The following CHKA variants were observed in gnomAD, a reference collection of about 807,000 sequenced individuals.
The protein encoded by CHKA is choline kinase alpha.
Under a neutral mutation model 60.1 loss-of-function variants are expected in CHKA, and 34 were observed. The observed-to-expected ratio is 0.57, with a 90% confidence interval of 0.43 to 0.75. The LOEUF is 0.75. CHKA is among the 30% of genes least tolerant of loss of function. The pLI is 0.00. For missense variants in CHKA, 563 were observed against 561.3 expected, an observed-to-expected ratio of 1.00 and a Z score of -0.03; for synonymous variants, 217 against 223.1, an observed-to-expected ratio of 0.97 and a Z score of 0.24.
intron 1 of CHKA, among the ~76,000 whole-genome samples, chr11:68,110,259 A>G (rs1858082836): frequency 6.6e-6 from 1 of 152,220 alleles, no homozygotes; most frequent in Non-Finnish European, 1.5e-5. Context: ...CATCATAGGA[A>G]GTCCTAACTA....
intron 3 of CHKA, among the ~76,000 whole-genome samples, chr11:68,076,522 T>C (rs927384978): frequency 6.6e-6 from 1 of 152,050 alleles, no homozygotes; most frequent in Non-Finnish European, 1.5e-5. Flanking sequence ...GCTCCCCTGC[T>C]CCCCAGGGGG....
intron 11 of CHKA, among the ~76,000 whole-genome samples, chr11:68,055,434 G>C (rs1855977303): frequency 6.6e-6 from 1 of 152,180 alleles, no homozygotes; most frequent in South Asian, 2.1e-4. Flanking sequence ...GTGTTTGAGT[G>C]CAAGTCTTGG....
At chr11:68,070,499 C>CGAAG (rs1438655659) in intron 5 of CHKA, among the ~76,000 whole-genome samples, 1 of 152,146 alleles carries the variant, frequency 6.6e-6, no homozygotes, top group African/African-American at 2.4e-5. Context: ...TCTGTCCCTT[C>CGAAG]ACCCGTTCAA....
intron 1 of CHKA, 120 bp from the exon 2 acceptor site, chr11:68,097,250 T>C (rs779472112): frequency 8.2e-6 from 5 of 612,800 alleles, no homozygotes; most frequent in Non-Finnish European, 1.1e-5. Context: ...TATCTCGATT[T>C]ATTCTCTCAA....
intron 1 of CHKA, among the ~76,000 whole-genome samples, chr11:68,106,807 C>G (rs1424362956): frequency 6.6e-6 from 1 of 152,178 alleles, no homozygotes; most frequent in Non-Finnish European, 1.5e-5. Context: ...GAATTCTACT[C>G]CAGCACGGCT....
chr11:68,062,145 G>C, intron 10 of CHKA, 111 bp from the exon 11 acceptor site: 1 of 743,314 alleles, frequency 1.3e-6, no homozygotes, highest in Non-Finnish European at 2.3e-6. Flanking sequence ...TGCAAACCTA[G>C]TTAGTGTTGG....
Position 68,097,069 on chromosome 11 carries a change from C to T in CHKA, c.412G>A (p.Asp138Asn), listed in dbSNP as rs1323354805. 6.2e-7 allele frequency: 1 copy of T among 1,613,794 alleles called. No homozygotes were observed. The highest frequency in any genetic ancestry group is 1.7e-5 in the Admixed American group (1 of 59,984). Residue 138 changes from aspartate to asparagine, a missense_variant, in exon 2 of 12, where the codon GAT (aspartate) becomes AAT (asparagine). Transcript: ENST00000265689. ...SLPDTTATLG[D>N]EPRKVLLRLY... ...CGCAGGAGCACTTTCCGAGGCTCAT[C>T]ACCAAGGGTGGCTGTGGTGTCAGGT...
chr11:68,114,712 A>G (rs1858320775), intron 1 of CHKA, among the ~76,000 whole-genome samples: 1 of 151,446 alleles, frequency 6.6e-6, no homozygotes, highest in African/African-American at 2.4e-5. Context: ...AAAAAAAAAA[A>G]AGAAGAAGAA....
At chr11:68,103,957 T>A (rs1487478447) in intron 1 of CHKA, among the ~76,000 whole-genome samples, 1 of 151,490 alleles carries the variant, frequency 6.6e-6, no homozygotes, top group Non-Finnish European at 1.5e-5. Flanking sequence ...AATAAAAAAT[T>A]AAAAATCCAG....
chr11:68,058,255 C>T (rs565095985), intron 11 of CHKA, among the ~76,000 whole-genome samples: 39 of 152,288 alleles, frequency 2.6e-4, no homozygotes, highest in Non-Finnish European at 4.6e-4. Context: ...AGTCTTATAA[C>T]CAGGTAGTAG....
intron 3 of CHKA, among the ~76,000 whole-genome samples, chr11:68,080,339 C>G (rs777164096): frequency 1.3e-5 from 2 of 152,034 alleles, no homozygotes; most frequent in Non-Finnish European, 1.5e-5. Context: ...ATGTCTATTT[C>G]TTGATTTTTT....
chr11:68,082,253 AC>A (rs1455496581), intron 2 of CHKA, among the ~76,000 whole-genome samples: 1 of 151,692 alleles, frequency 6.6e-6, no homozygotes, highest in Non-Finnish European at 1.5e-5. Context: ...TTTAAGAGCA[AC>A]CCCCCACCCC....
chr11:68,106,276 G>A (rs1299844324), intron 1 of CHKA, among the ~76,000 whole-genome samples: 1 of 152,188 alleles, frequency 6.6e-6, no homozygotes, highest in East Asian at 1.9e-4. Flanking sequence ...GCCAAGCACA[G>A]TGGCTAACAC....
chr11:68,109,470 C>T (rs1246568576), intron 1 of CHKA, among the ~76,000 whole-genome samples: 1 of 152,132 alleles, frequency 6.6e-6, no homozygotes, highest in African/African-American at 2.4e-5. Flanking sequence ...AGTGTCTAAC[C>T]TGTTGGGATT....
intron 2 of CHKA, among the ~76,000 whole-genome samples, chr11:68,093,865 C>G (rs1265254018): frequency 6.6e-6 from 1 of 152,142 alleles, no homozygotes; most frequent in Non-Finnish European, 1.5e-5. Context: ...AAATTAAAAA[C>G]AATTTAAAAC....
chr11:68,100,951 T>C (rs1309406780), intron 1 of CHKA, among the ~76,000 whole-genome samples: 3 of 134,974 alleles, frequency 2.2e-5, no homozygotes, highest in African/African-American at 8.5e-5. Context: ...TTTTTTTTTT[T>C]TTTTTTTTTT....
rs1186013179 is a variant in CHKA at position 68,070,803 on chromosome 11, C to A, written c.685G>T (p.Ala229Ser). 12 of 1,612,686 alleles carry A rather than the reference C, an allele frequency of 7.4e-6. No homozygotes were observed. The highest frequency in any genetic ancestry group is 1.3e-5 in the African/African-American group (1 of 74,900). Residue 229 changes from alanine to serine, a missense_variant, in exon 5 of 12, where the codon GCC (alanine) becomes TCC (serine). Physicochemically the swap from Ala to Ser is moderately conservative, Grantham distance 99. Coordinates refer to ENST00000265689, the MANE Select transcript of CHKA (RefSeq NM_001277.3). Reference protein sequence around the residue: ...LSLPDISAEIAEKMATFHGMK... With the variant: ...LSLPDISAEISEKMATFHGMK... ...CCATGAAATGTAGCCATTTTCTCGG[C>A]GATTTCTGCAGAAATATCTGGCAAA...
chr11:68,104,717 C>T (rs531049014), intron 1 of CHKA, among the ~76,000 whole-genome samples: 7 of 152,114 alleles, frequency 4.6e-5, no homozygotes, highest in Non-Finnish European at 5.9e-5. Context: ...CCACCGCACC[C>T]GACCAATATG....
chr11:68,059,126 C>G (rs1650674249), intron 11 of CHKA, among the ~76,000 whole-genome samples: 1 of 152,192 alleles, frequency 6.6e-6, no homozygotes, highest in South Asian at 2.1e-4. Context: ...AACTCCCGAC[C>G]TCAGGTGATC....
Sources: allele counts gnomAD v4.1 joint callset (sites outside exome capture counted in the v4.1 genomes callset), GRCh38; gene constraint gnomAD v4.1.1; transcripts MANE v1.5; gene names NCBI Gene and HGNC (gene_info 2026-07-23, HGNC 2026-07-21).